The following FEZ2 variants were observed in gnomAD, a reference collection of about 807,000 sequenced individuals.
FEZ2 encodes fasciculation and elongation protein zeta 2, also known as fasciculation and elongation protein zeta-2.
Under a neutral mutation model 40.4 loss-of-function variants are expected in FEZ2, and 51 were observed. The observed-to-expected ratio is 1.26, with a 90% confidence interval of 1.01 to 1.59. FEZ2 has a LOEUF of 1.59. FEZ2 is among the 40% of genes most tolerant of loss of function. The pLI is 0.00. For synonymous variants in FEZ2, 242 were observed against 172.0 expected (o/e 1.41, Z -3.18); for missense variants, 640 against 438.3 (o/e 1.46, Z -4.11).
At chr2:36,597,004 T>C (rs1669244034) in intron 1 of FEZ2, among the ~76,000 whole-genome samples, 1 of 152,138 alleles carries the variant, frequency 6.6e-6, no homozygotes, top group Non-Finnish European at 1.5e-5. Context: ...CCCGTGAACC[T>C]CCTATCATTG....
At chr2:36,577,360 C>T (rs1322863065) in intron 5 of FEZ2, among the ~76,000 whole-genome samples, 3 of 151,916 alleles carry the variant, frequency 2.0e-5, no homozygotes. Flanking sequence ...TGGGTTCAAG[C>T]AATTCTCCTG....
intron 5 of FEZ2, among the ~76,000 whole-genome samples, chr2:36,567,553 G>C (rs1267019064): frequency 6.6e-6 from 1 of 152,122 alleles, no homozygotes; most frequent in Non-Finnish European, 1.5e-5. Flanking sequence ...CCTGACGTCA[G>C]GAGTTCGAGA....
At chr2:36,590,759 A>T (rs908597857) in intron 2 of FEZ2, 144 bp downstream of exon 2, 10 of 585,444 alleles carry the variant, frequency 1.7e-5, no homozygotes, top group African/African-American at 3.8e-5. Flanking sequence ...TACAGCCAAG[A>T]CATCAAGACA....
At chr2:36,585,558 A>G (rs1038219226) in intron 2 of FEZ2, among the ~76,000 whole-genome samples, 3 of 152,206 alleles carry the variant, frequency 2.0e-5, no homozygotes, top group African/African-American at 7.2e-5. Flanking sequence ...CGGTCCATTT[A>G]CTAAAATGAG....
intron 7 of FEZ2, among the ~76,000 whole-genome samples, chr2:36,553,825 G>C (rs1297022242): frequency 6.6e-6 from 1 of 152,094 alleles, no homozygotes; most frequent in Non-Finnish European, 1.5e-5. Flanking sequence ...ACCCAAAAAA[G>C]GGGAAGGAGT....
chr2:36,564,341 C>A (rs1668173603), intron 5 of FEZ2, among the ~76,000 whole-genome samples: 3 of 152,098 alleles, frequency 2.0e-5, no homozygotes, highest in Admixed American at 1.3e-4. Context: ...AAAACACAAA[C>A]AAAAAAATTT....
intron 1 of FEZ2, among the ~76,000 whole-genome samples, chr2:36,592,998 G>A (rs944690645): frequency 6.6e-6 from 1 of 152,106 alleles, no homozygotes; most frequent in Non-Finnish European, 1.5e-5. Flanking sequence ...AATGTCTGTG[G>A]ACTACTAAAT....
intron 5 of FEZ2, among the ~76,000 whole-genome samples, chr2:36,575,391 A>T (rs994273739): frequency 1.3e-5 from 2 of 151,988 alleles, no homozygotes; most frequent in Non-Finnish European, 2.9e-5. Context: ...GTCTCACTAT[A>T]TTGCCCAGTC....
chr2:36,587,601 A>G (rs528464114), intron 2 of FEZ2, among the ~76,000 whole-genome samples: 1 of 152,366 alleles, frequency 6.6e-6, no homozygotes, highest in South Asian at 2.1e-4. Flanking sequence ...GCAATCTAGC[A>G]AACTAGTTTT....
intron 2 of FEZ2, 24 bp downstream of exon 2, chr2:36,590,879 C>T (rs1020679281): frequency 4.7e-6 from 6 of 1,268,740 alleles, no homozygotes; most frequent in Admixed American, 1.7e-5. Flanking sequence ...TATTCAAACA[C>T]TATTGGTTCA....
chr2:36,593,265 A>C (rs575082928), intron 1 of FEZ2, among the ~76,000 whole-genome samples: 1 of 152,112 alleles, frequency 6.6e-6, no homozygotes, highest in African/African-American at 2.4e-5. Flanking sequence ...ATGCAAAAGC[A>C]GAAACCCCTG....
intron 5 of FEZ2, among the ~76,000 whole-genome samples, chr2:36,569,528 A>C (rs1668348961): frequency 6.6e-6 from 1 of 152,248 alleles, no homozygotes; most frequent in Non-Finnish European, 1.5e-5. Context: ...TCTGAACAAT[A>C]AAAAGAAAAG....
intron 2 of FEZ2, among the ~76,000 whole-genome samples, chr2:36,588,028 G>GTT (rs879658546): frequency 1.4e-5 from 2 of 147,216 alleles, no homozygotes; most frequent in African/African-American, 2.5e-5. Context: ...AGGTAAGGCT[G>GTT]TTTTTTTTTT....
intron 2 of FEZ2, chr2:36,590,370 T>G (rs2148350336): frequency 6.6e-6 from 1 of 152,542 alleles, no homozygotes; most frequent in East Asian, 1.9e-4. Context: ...CACCAAATTT[T>G]ACTGAGTGTT....
At chr2:36,559,602 G>C (rs920212303) in intron 5 of FEZ2, among the ~76,000 whole-genome samples, 3 of 152,244 alleles carry the variant, frequency 2.0e-5, no homozygotes, top group Non-Finnish European at 4.4e-5. Flanking sequence ...ACTTCTTGCA[G>C]GTGATGCCCA....
rs183093649 is a variant in FEZ2 at position 36,591,403 on chromosome 2, G to A, written c.267-392C>T. On this transcript the variant is annotated intron_variant, in intron 1 of 7. Transcript: ENST00000405912. Reference sequence around the variant, plus strand: ...AGATGAAGAAACTGAAACACAGGGCGGGGAAGAAATGTTTCCAGGGTCACA... The same window carrying A: ...AGATGAAGAAACTGAAACACAGGGCAGGGAAGAAATGTTTCCAGGGTCACA... 287 of 167,034 alleles carry A rather than the reference G, an allele frequency of 1.7e-3. 1 individual carries two copies. Among genetic ancestry groups the A allele is most frequent in the African/African-American group, 3.7e-3 (156 of 41,844 alleles). The allele number at this position is 167,034 out of a possible 1,614,324, so 10.3% of individuals were successfully genotyped here. A position where few individuals can be genotyped will look rare whatever the true frequency, so the allele number is the denominator to read the frequency against.
Position 36,578,841 on chromosome 2 carries a change from TCAGA to T in FEZ2, c.655_658del (p.Glu220Ter). 6.2e-7 allele frequency: 1 copy of T among 1,612,548 alleles called. No homozygotes were observed. Among genetic ancestry groups the T allele is most frequent in the Non-Finnish European group, 8.5e-7 (1 of 1,179,488 alleles). ...AATTTCTTCCAGGATTTCATTTAAC[TCAGA>T]CACTGAGAGCCTTTTCACTCCTGTG... On this transcript the variant is annotated frameshift_variant, in exon 5 of 8. Transcript: ENST00000405912. LOFTEE classifies it high-confidence loss of function.
chr2:36,585,814 T>C (rs1025134913), intron 2 of FEZ2, among the ~76,000 whole-genome samples: 5 of 152,212 alleles, frequency 3.3e-5, no homozygotes, highest in Non-Finnish European at 7.3e-5. Flanking sequence ...GGGTATAGTG[T>C]CAGGGATTGG....
chr2:36,580,171 G>A (rs1172116281), intron 4 of FEZ2, among the ~76,000 whole-genome samples: 2 of 152,168 alleles, frequency 1.3e-5, no homozygotes, highest in Non-Finnish European at 2.9e-5. Context: ...GGCAGCCCTA[G>A]CAAACCAATA....
Sources: allele counts gnomAD v4.1 joint callset (sites outside exome capture counted in the v4.1 genomes callset), GRCh38; gene constraint gnomAD v4.1.1; transcripts MANE v1.5; gene names NCBI Gene and HGNC (gene_info 2026-07-23, HGNC 2026-07-21).